Variants in ITGBL1 observed in about 807,000 individuals in gnomAD.
The protein encoded by ITGBL1 is integrin beta-like protein 1.
Under a neutral mutation model 68.5 loss-of-function variants are expected in ITGBL1, and 51 were observed. The ratio of observed to expected loss-of-function variants is 0.74; its 90% CI spans 0.59 to 0.94. The LOEUF is 0.94. Among genes scored for constraint, ITGBL1 ranks in the 40% least tolerant of loss-of-function variants. ITGBL1 has a pLI of 0.00. For synonymous variants in ITGBL1, 209 were observed against 227.3 expected (o/e 0.92, Z 0.72); for missense variants, 649 against 647.4 (o/e 1.00, Z -0.03).
At chr13:101,658,490 A>G (rs1028253804) in intron 7 of ITGBL1, among the ~76,000 whole-genome samples, 6 of 152,126 alleles carry the variant, frequency 3.9e-5, no homozygotes, top group Admixed American at 1.3e-4. Context: ...TGTTGCTTTG[A>G]TAATACTTTT....
intron 2 of ITGBL1, among the ~76,000 whole-genome samples, chr13:101,518,884 G>T (rs1210944864): frequency 6.6e-6 from 1 of 152,116 alleles, no homozygotes; most frequent in Non-Finnish European, 1.5e-5. Flanking sequence ...TGAGGAAACT[G>T]CTCAAATCAC....
At chr13:101,667,030 A>G (rs575114010) in intron 7 of ITGBL1, among the ~76,000 whole-genome samples, 6 of 152,360 alleles carry the variant, frequency 3.9e-5, no homozygotes, top group African/African-American at 1.4e-4. Context: ...CAGGGCTTAT[A>G]GGATTATCTG....
intron 8 of ITGBL1, among the ~76,000 whole-genome samples, chr13:101,699,627 T>C (rs2034085998): frequency 6.6e-6 from 1 of 152,204 alleles, no homozygotes; most frequent in African/African-American, 2.4e-5. Context: ...TAATTGTAAG[T>C]TTCCTGAGGC....
intron 7 of ITGBL1, among the ~76,000 whole-genome samples, chr13:101,607,517 A>G (rs994287948): frequency 2.6e-5 from 4 of 151,984 alleles, no homozygotes; most frequent in Non-Finnish European, 5.9e-5. Flanking sequence ...ATGTTCTTTT[A>G]TTCAAGTTCT....
At chr13:101,626,324 T>C (rs2031777751) in intron 7 of ITGBL1, among the ~76,000 whole-genome samples, 1 of 152,232 alleles carries the variant, frequency 6.6e-6, no homozygotes. Context: ...CTTTGAAAAT[T>C]ACACTACAAT....
At chr13:101,667,997 T>G (rs2033264410) in intron 7 of ITGBL1, among the ~76,000 whole-genome samples, 1 of 152,174 alleles carries the variant, frequency 6.6e-6, no homozygotes. Flanking sequence ...AATAAAAATT[T>G]GTTTCAGAAT....
intron 2 of ITGBL1, among the ~76,000 whole-genome samples, chr13:101,454,953 T>C (rs867809143): frequency 3.9e-5 from 6 of 152,214 alleles, no homozygotes; most frequent in African/African-American, 7.2e-5. Flanking sequence ...ATTCAGGTTC[T>C]GATATTGGAA....
At chr13:101,603,678 A>C (rs999077976) in intron 7 of ITGBL1, among the ~76,000 whole-genome samples, 4 of 115,224 alleles carry the variant, frequency 3.5e-5, no homozygotes, top group African/African-American at 1.1e-4. Context: ...AAGGCTAACC[A>C]CTGTCTCTTT....
At chr13:101,487,480 A>G (rs1427933342) in intron 2 of ITGBL1, among the ~76,000 whole-genome samples, 1 of 152,234 alleles carries the variant, frequency 6.6e-6, no homozygotes, top group Non-Finnish European at 1.5e-5. Context: ...TTTAGCTGAA[A>G]TTGGCAATTA....
intron 2 of ITGBL1, among the ~76,000 whole-genome samples, chr13:101,529,345 A>T (rs1489510646): frequency 6.6e-6 from 1 of 152,198 alleles, no homozygotes; most frequent in Non-Finnish European, 1.5e-5. Flanking sequence ...AAAGATGAAA[A>T]AGATTTCAAA....
rs372434968 is a variant in ITGBL1 at position 101,499,355 on chromosome 13, T to A, written c.316+45255T>A. On this transcript the variant is annotated intron_variant, in intron 2 of 10. Transcript: ENST00000376180. ...TTTAATTCTGTCAACCCCTCCCTCA[T>A]GTCTTTACACTGCAATTACATAGAG... Among the ~76,000 whole-genome samples the A allele has an allele frequency of 2.4e-4, 36 of 152,326 alleles. No homozygotes were observed. In the East Asian group the frequency reaches 6.7e-3, roughly 29 times the overall value.
chr13:101,460,186 C>T (rs1028567162), intron 2 of ITGBL1, among the ~76,000 whole-genome samples: 2 of 152,198 alleles, frequency 1.3e-5, no homozygotes, highest in East Asian at 1.9e-4. Flanking sequence ...TTGGATTTAC[C>T]GCCCCCTCTC....
At chr13:101,474,241 A>C (rs2139648226) in intron 2 of ITGBL1, among the ~76,000 whole-genome samples, 1 of 152,192 alleles carries the variant, frequency 6.6e-6, no homozygotes, top group East Asian at 1.9e-4. Flanking sequence ...GGAGAGACCA[A>C]GGCCTGGTAG....
intron 5 of ITGBL1, among the ~76,000 whole-genome samples, 162 bp from the exon 6 acceptor site, chr13:101,583,054 T>TGGG (rs1314148909): frequency 7.9e-5 from 12 of 152,242 alleles, no homozygotes; most frequent in Non-Finnish European, 1.5e-4. Flanking sequence ...GAATCTCTAT[T>TGGG]ATCAATATTA....
At chr13:101,714,603 CAAGAG>C in intron 10 of ITGBL1, 52 bp downstream of exon 10, 1 of 1,054,570 alleles carries the variant, frequency 9.5e-7, no homozygotes, top group South Asian at 1.3e-5. Flanking sequence ...GTTATAGAGC[CAAGAG>C]ACACTCGTCA....
In ITGBL1 at chr13:101,583,293, T is replaced by G; in HGVS notation, c.805T>G (p.Cys269Gly). The change falls in exon 6 of 11, where the codon TGT becomes GGT. Residue 269 changes from cysteine (C) to glycine (G), a missense_variant. By Grantham distance (159) the Cys-to-Gly change is radical. Transcript: ENST00000376180. ...CTGGGGAGATATTCATGGGGACACC[T>G]GTGAATGTGATGAGAGGGACTGTAG... ...GDWGDIHGDT[C>G]ECDERDCRAV... 1.9e-6 allele frequency: 3 copies of G among 1,612,596 alleles called. No individual in the cohort carries two copies. The highest frequency in any genetic ancestry group is 2.5e-6 in the Non-Finnish European group (3 of 1,179,010).
intron 6 of ITGBL1, among the ~76,000 whole-genome samples, chr13:101,586,330 A>G (rs1452493581): frequency 2.0e-5 from 3 of 152,158 alleles, no homozygotes; most frequent in African/African-American, 7.2e-5. Context: ...ACATCAATCT[A>G]TTATTGTGAT....
chr13:101,480,182 C>T (rs2048597664), intron 2 of ITGBL1, among the ~76,000 whole-genome samples: 1 of 151,898 alleles, frequency 6.6e-6, no homozygotes, highest in Admixed American at 6.6e-5. Context: ...ATGGATGGAA[C>T]TGGAGGACGT....
intron 2 of ITGBL1, among the ~76,000 whole-genome samples, chr13:101,543,639 A>G (rs1427762968): frequency 2.0e-5 from 3 of 152,184 alleles, no homozygotes; most frequent in Non-Finnish European, 4.4e-5. Context: ...GCTGGATAAT[A>G]TCCTGCAGAG....
Sources: allele counts gnomAD v4.1 joint callset (sites outside exome capture counted in the v4.1 genomes callset), GRCh38; gene constraint gnomAD v4.1.1; transcripts MANE v1.5; gene names NCBI Gene and HGNC (gene_info 2026-07-23, HGNC 2026-07-21).